C4orf51: variants seen among roughly 807,000 people sequenced by gnomAD.
The protein encoded by C4orf51 is chromosome 4 open reading frame 51, also known as uncharacterized protein C4orf51.
Under a neutral mutation model 25.2 loss-of-function variants are expected in C4orf51, and 25 were observed. The observed-to-expected ratio is 0.99, with a 90% CI of 0.72 to 1.39. The LOEUF (loss-of-function observed/expected upper bound fraction) is 1.39. C4orf51 is among the 40% of genes most tolerant of loss of function. The pLI, the probability that C4orf51 is intolerant of heterozygous loss-of-function variation, is 0.00. For synonymous variants in C4orf51, 100 were observed against 84.5 expected, an observed-to-expected ratio of 1.18 and a Z score of -1.01; for missense variants, 252 against 239.6, an observed-to-expected ratio of 1.05 and a Z score of -0.34.
intron 1 of C4orf51, among the ~76,000 whole-genome samples, chr4:145,752,148 G>A (rs1447156614): frequency 6.6e-6 from 1 of 152,116 alleles, no homozygotes; most frequent in Non-Finnish European, 1.5e-5. Flanking sequence ...ACCCCACTGT[G>A]GTCAAGCTGG....
At chr4:145,712,610 GGTTCAT>G (rs1240932880) in intron 2 of C4orf51, among the ~76,000 whole-genome samples, 5 of 152,202 alleles carry the variant, frequency 3.3e-5, no homozygotes, top group African/African-American at 9.6e-5. Flanking sequence ...AGTTGTTGTT[GGTTCAT>G]GTAAAGAAAG....
chr4:145,707,979 A>C (rs1390752308), intron 2 of C4orf51, among the ~76,000 whole-genome samples: 1 of 152,240 alleles, frequency 6.6e-6, no homozygotes, highest in Non-Finnish European at 1.5e-5. Context: ...CCCTTGAAGC[A>C]GTCTCATTTC....
At chr4:145,776,469 GAA>G in the C4orf51 span, among the ~76,000 whole-genome samples, 85 of 129,942 alleles carry the variant, frequency 6.5e-4, no homozygotes, top group African/African-American at 1.9e-3. Context: ...TCAAAAAAAA[GAA>G]AAAAAAAAAA....
At chr4:145,710,940 A>G (rs921431080) in intron 2 of C4orf51, among the ~76,000 whole-genome samples, 1 of 152,168 alleles carries the variant, frequency 6.6e-6, no homozygotes, top group African/African-American at 2.4e-5. Flanking sequence ...TATCTGAGGA[A>G]TTTAGAAGTA....
At chr4:145,770,856 A>C (rs1736177178) in intron 1 of C4orf51, 1 of 152,210 alleles carries the variant, frequency 6.6e-6, no homozygotes, top group African/African-American at 2.4e-5. Context: ...ATTACATTTT[A>C]AGCCTCTTGG....
intron 3 of C4orf51, among the ~76,000 whole-genome samples, 164 bp from the exon 4 acceptor site, chr4:145,729,005 A>G (rs59198920): frequency 0.064 from 9,630 of 151,418 alleles, 907 homozygotes; most frequent in African/African-American, 0.21. Flanking sequence ...TCAGCCTCCC[A>G]AGTGGCTGAG....
At chr4:145,752,785 A>G (rs1441992764) in intron 1 of C4orf51, among the ~76,000 whole-genome samples, 3 of 152,182 alleles carry the variant, frequency 2.0e-5, no homozygotes, top group African/African-American at 7.2e-5. Flanking sequence ...TTAGCTCACA[A>G]TGGTGTGTCT....
intron 1 of C4orf51, among the ~76,000 whole-genome samples, chr4:145,740,767 C>T (rs1733056659): frequency 6.6e-6 from 1 of 152,222 alleles, no homozygotes; most frequent in Non-Finnish European, 1.5e-5. Flanking sequence ...GTCTGCAAGG[C>T]TTTGCCAGAT....
intron 1 of C4orf51, among the ~76,000 whole-genome samples, chr4:145,689,036 A>C (rs1297143412): frequency 6.6e-6 from 1 of 152,248 alleles, no homozygotes; most frequent in Non-Finnish European, 1.5e-5. Flanking sequence ...AGCCAGAAAC[A>C]GACCCATGCA....
downstream of C4orf51, chr4:145,758,567 A>G (rs1047824671): frequency 1.3e-5 from 2 of 150,944 alleles, no homozygotes; most frequent in Non-Finnish European, 2.9e-5. Flanking sequence ...ATATGGGGAT[A>G]AAGACATGAC....
At chr4:145,750,387 C>G (rs1385144443) in intron 1 of C4orf51, among the ~76,000 whole-genome samples, 1 of 150,390 alleles carries the variant, frequency 6.6e-6, no homozygotes, top group Non-Finnish European at 1.5e-5. Context: ...GATATTTTCA[C>G]CAGATACACT....
chr4:145,764,872 T>C (rs1408702355), intron 1 of C4orf51: 1 of 1,452,120 alleles, frequency 6.9e-7, no homozygotes, highest in Admixed American at 1.7e-5. Flanking sequence ...ACTCCTCTCA[T>C]ACCAAGCTCC....
chr4:145,749,150 C>A (rs1475815366), intron 1 of C4orf51, among the ~76,000 whole-genome samples: 1 of 150,524 alleles, frequency 6.6e-6, no homozygotes, highest in Non-Finnish European at 1.5e-5. Flanking sequence ...TATATAGTGA[C>A]CCTCTTTGTC....
rs1294081867 is a variant in C4orf51, at chr4:145,761,035, G to A, written n.167-9953G>A. 4.7e-6 allele frequency: 6 copies of A among 1,284,482 alleles called. No homozygotes were observed. The highest frequency in any genetic ancestry group is 3.7e-5 in the South Asian group (3 of 80,728). 79.6% of individuals were successfully genotyped at this position (1,284,482 alleles called of 1,614,324 possible). ...CTCTGAGCTGCTGCCGTGGGCTGCC[G>A]ACAGGGCCACGGTCTGCAGAGCCTG... On this transcript the variant is annotated intron_variant and non_coding_transcript_variant, in intron 1 of 1. Transcript: ENST00000510096. This position sits in a 1 kb window ranked among gnomAD's most constrained non-coding sequence, Gnocchi z 6.8.
chr4:145,718,554 C>A lies in C4orf51; in HGVS notation c.308-8357C>A, dbSNP rs541475096. 4.3e-4 allele frequency among the ~76,000 whole-genome samples: 65 copies of A among 152,340 alleles called. 2 individuals carry two copies. Among genetic ancestry groups the A allele is most frequent in the Admixed American group, 1.5e-3 (23 of 15,310 alleles). ...AAGACTTCAAAAAGCAGTAAGAAGT[C>A]ACTGGACTACCCCATAAGTCACGTC... On this transcript the variant is annotated intron_variant, in intron 2 of 5. Transcript: ENST00000438731.
At chr4:145,715,291 G>T (rs1444755159) in intron 2 of C4orf51, among the ~76,000 whole-genome samples, 1 of 152,152 alleles carries the variant, frequency 6.6e-6, no homozygotes, top group South Asian at 2.1e-4. Flanking sequence ...GTGAGTCTTT[G>T]CCTCTCTTCC....
chr4:145,736,834 A>G (rs879907130), downstream of C4orf51, among the ~76,000 whole-genome samples: 2 of 152,182 alleles, frequency 1.3e-5, no homozygotes, highest in Non-Finnish European at 2.9e-5. Context: ...TTCACGGCCT[A>G]TGACACAGGC....
intron 2 of C4orf51, among the ~76,000 whole-genome samples, chr4:145,697,123 A>G (rs1156713813): frequency 1.3e-5 from 2 of 148,942 alleles, no homozygotes; most frequent in Admixed American, 1.3e-4. Context: ...TTTTTGAGAA[A>G]GGGTCTCACT....
chr4:145,697,358 G>T (rs980489542), intron 2 of C4orf51, among the ~76,000 whole-genome samples: 1 of 151,966 alleles, frequency 6.6e-6, no homozygotes, highest in Non-Finnish European at 1.5e-5. Context: ...TTGGCCTCCC[G>T]GAGTTCTGGG....
Sources: gnomAD v4.1 joint callset for allele counts (sites outside exome capture counted in the v4.1 genomes callset) on GRCh38, gnomAD v4.1.1 for gene constraint, Gnocchi (gnomAD v3.1) non-coding constraint, MANE v1.5 for transcripts, NCBI Gene and HGNC (gene_info 2026-07-23, HGNC 2026-07-21) for gene names.